Variants in LRP1B observed in about 807,000 individuals in gnomAD.
LRP1B encodes the protein low-density lipoprotein receptor-related protein 1B.
A neutral mutation model predicts 556.6 loss-of-function variants in LRP1B; 217 were observed. That is an observed-to-expected ratio of 0.39 (90% CI 0.35 to 0.44). The LOEUF (loss-of-function observed/expected upper bound fraction) is 0.44. LRP1B is among the 20% of genes least tolerant of loss of function. LRP1B has a pLI of 1.00. For synonymous variants in LRP1B, 2,047 were observed against 1,865.8 expected, an observed-to-expected ratio of 1.10 and a Z score of -2.50; for missense variants, 5,053 against 5,620.8, an observed-to-expected ratio of 0.90 and a Z score of 3.23.
chr2:141,884,399 A>G (rs954601524), intron 1 of LRP1B, among the ~76,000 whole-genome samples: 1 of 152,056 alleles, frequency 6.6e-6, no homozygotes, highest in Non-Finnish European at 1.5e-5. Flanking sequence ...GAAAAATACA[A>G]TGATATCAAG....
At chr2:141,889,245 G>T (rs1699211498) in intron 1 of LRP1B, among the ~76,000 whole-genome samples, 1 of 151,964 alleles carries the variant, frequency 6.6e-6, no homozygotes, top group African/African-American at 2.4e-5. Context: ...GAAACCAACA[G>T]GAAAATTTAC....
chr2:141,869,478 G>A (rs996998547), intron 1 of LRP1B, among the ~76,000 whole-genome samples: 5 of 151,956 alleles, frequency 3.3e-5, no homozygotes, highest in Admixed American at 6.6e-5. Context: ...ATACTAATAT[G>A]TTTTTTAACA....
chr2:140,348,978 TAGATTCCTCGCATCCACATTTCAC>T (rs1681827118), intron 77 of LRP1B, among the ~76,000 whole-genome samples: 1 of 152,102 alleles, frequency 6.6e-6, no homozygotes. Flanking sequence ...CTCAGCAATC[TAGATTCCTCGCATCCACATTTCAC>T]AGATTCCTCA....
chr2:140,661,308 A>G (rs2105340117), intron 41 of LRP1B, among the ~76,000 whole-genome samples: 1 of 152,178 alleles, frequency 6.6e-6, no homozygotes, highest in South Asian at 2.1e-4. Flanking sequence ...CTGGAGGTCT[A>G]TAGAGAATGG....
At chr2:140,320,237 A>G (rs538820695) in intron 82 of LRP1B, among the ~76,000 whole-genome samples, 1 of 145,926 alleles carries the variant, frequency 6.9e-6, no homozygotes, top group Non-Finnish European at 1.5e-5. Flanking sequence ...TGGCCACATA[A>G]ACATCTATTT....
intron 3 of LRP1B, among the ~76,000 whole-genome samples, chr2:141,376,773 G>A (rs1166759272): frequency 6.6e-6 from 1 of 152,040 alleles, no homozygotes; most frequent in East Asian, 1.9e-4. Flanking sequence ...TATGTTGATA[G>A]TCATGTTAGT....
rs1553440648 is a variant in LRP1B at position 140,291,318 on chromosome 2, A to ATTTTTT, written c.12967+6489_12967+6490insAAAAAA. 7.3e-4 allele frequency among the ~76,000 whole-genome samples: 80 copies of ATTTTTT among 109,314 alleles called. 3 individuals carry two copies. The highest frequency in any genetic ancestry group is 2.2e-3 in the African/African-American group (74 of 33,806). The allele number at this position is 109,314 out of a possible 152,430, so 71.7% of individuals were successfully genotyped here. On this transcript the variant is annotated intron_variant, in intron 84 of 90. Transcript: ENST00000389484. ...TTATTTTATATATATATATATATAT[A>ATTTTTT]TTTTTATTATACTTTAAGTTCTAGG...
intron 66 of LRP1B, among the ~76,000 whole-genome samples, chr2:140,437,260 A>G (rs1160528816): frequency 6.6e-6 from 1 of 152,132 alleles, no homozygotes; most frequent in African/African-American, 2.4e-5. Flanking sequence ...TCTCCTTTCC[A>G]GCTGCTAACA....
intron 3 of LRP1B, among the ~76,000 whole-genome samples, chr2:141,326,419 T>C (rs1362997487): frequency 6.6e-6 from 1 of 152,098 alleles, no homozygotes; most frequent in South Asian, 2.1e-4. Flanking sequence ...AAAGCAGAAC[T>C]GTGGAAAAGC....
chr2:141,728,819 A>G (rs1693151042), intron 2 of LRP1B, among the ~76,000 whole-genome samples: 1 of 152,102 alleles, frequency 6.6e-6, no homozygotes. Context: ...AAACAACATC[A>G]TTGATTGACT....
intron 32 of LRP1B, among the ~76,000 whole-genome samples, chr2:140,780,281 T>C (rs1559114590): frequency 6.6e-6 from 1 of 152,158 alleles, no homozygotes; most frequent in South Asian, 2.1e-4. Context: ...ATAAAATTTA[T>C]AAAAATATTA....
At chr2:141,644,204 A>G (rs541031468) in intron 2 of LRP1B, among the ~76,000 whole-genome samples, 1 of 152,026 alleles carries the variant, frequency 6.6e-6, no homozygotes, top group East Asian at 1.9e-4. Flanking sequence ...TTGAATTGTA[A>G]CTCTCACAAT....
chr2:140,681,078 A>G (rs1437636971), intron 41 of LRP1B, among the ~76,000 whole-genome samples: 2 of 152,198 alleles, frequency 1.3e-5, no homozygotes, highest in East Asian at 3.9e-4. Flanking sequence ...TTATTGAACA[A>G]AGTTGTTAAC....
intron 82 of LRP1B, among the ~76,000 whole-genome samples, chr2:140,318,507 A>AAAAACTTGTTTCATTTTCTTACCTACCT (rs1684627257): frequency 1.3e-5 from 2 of 152,158 alleles, no homozygotes; most frequent in Non-Finnish European, 2.9e-5. Flanking sequence ...TAATGCAGCC[A>AAAAACTTGTTTCATTTTCTTACCTACCT]AAAACTTGTT....
chr2:141,063,912 G>A (rs1359013796), intron 7 of LRP1B, among the ~76,000 whole-genome samples: 2 of 151,870 alleles, frequency 1.3e-5, no homozygotes, highest in Admixed American at 6.6e-5. Flanking sequence ...GCTATCATGT[G>A]ATGTGTAGAG....
chr2:141,327,502 A>T lies in LRP1B; in HGVS notation c.344-72861T>A, dbSNP rs1379541255. Among the ~76,000 whole-genome samples, 4 of 152,326 alleles carry T rather than the reference A, an allele frequency of 2.6e-5. No homozygotes were observed. In the East Asian group the frequency reaches 5.8e-4, roughly 22 times the overall value. On this transcript the variant is annotated intron_variant, in intron 3 of 90. Coordinates refer to ENST00000389484, the MANE Select transcript of LRP1B (RefSeq NM_018557.3). ...TTAATAAATTTTCCAAGAACACAGG[A>T]ATAGTTAGATTCAAATCCACATCTA... is the stretch of plus-strand genomic sequence containing the variant.
intron 7 of LRP1B, among the ~76,000 whole-genome samples, chr2:141,122,245 A>G (rs1162552596): frequency 1.3e-5 from 2 of 152,166 alleles, no homozygotes; most frequent in African/African-American, 4.8e-5. Flanking sequence ...GCCAAAATTG[A>G]CAAGTGGGAT....
chr2:140,467,616 A>C (rs573752185), intron 60 of LRP1B, among the ~76,000 whole-genome samples: 5 of 146,338 alleles, frequency 3.4e-5, no homozygotes, highest in African/African-American at 1.3e-4. Flanking sequence ...CCATCTCAAA[A>C]AAAAAAAAAA....
intron 11 of LRP1B, among the ~76,000 whole-genome samples, chr2:141,031,616 G>A (rs1299810886): frequency 6.6e-6 from 1 of 151,886 alleles, no homozygotes; most frequent in Admixed American, 6.6e-5. Context: ...TTAATAGCTG[G>A]TTAAGTAATG....
Sources: gnomAD v4.1 joint callset for allele counts (sites outside exome capture counted in the v4.1 genomes callset) on GRCh38, gnomAD v4.1.1 for gene constraint, MANE v1.5 for transcripts, NCBI Gene and HGNC (gene_info 2026-07-23, HGNC 2026-07-21) for gene names.